Variants in RIMBP2 observed in about 807,000 individuals in gnomAD.
RIMBP2 encodes the protein RIMS-binding protein 2.
A neutral mutation model predicts 118.6 loss-of-function variants in RIMBP2; 48 were observed. The observed-to-expected ratio is 0.40, with a 90% CI of 0.32 to 0.51. The LOEUF (loss-of-function observed/expected upper bound fraction) is 0.51. RIMBP2 is among the 20% of genes least tolerant of loss of function. The pLI is 0.41. For synonymous variants in RIMBP2, 762 were observed against 742.9 expected, an observed-to-expected ratio of 1.03 and a Z score of -0.42; for missense variants, 1,551 against 1,768.3, an observed-to-expected ratio of 0.88 and a Z score of 2.20.
chr12:130,481,859 G>A (rs977889301), intron 4 of RIMBP2, among the ~76,000 whole-genome samples: 1 of 152,150 alleles, frequency 6.6e-6, no homozygotes, highest in Non-Finnish European at 1.5e-5. Flanking sequence ...CCGCTGGGCT[G>A]TCAGCCCATT....
rs1222438124 is a variant in RIMBP2 at position 130,686,080 on chromosome 12, C to G, written c.-352+30142G>C. 2.0e-5 allele frequency among the ~76,000 whole-genome samples: 3 copies of G among 152,292 alleles called. No individual in the cohort carries two copies. The East Asian group carries it at 5.8e-4, about 30-fold the overall frequency. On this transcript the variant is annotated intron_variant, in intron 1 of 22. Coordinates refer to ENST00000690449, the MANE Select transcript of RIMBP2 (RefSeq NM_001393629.1). Reference sequence around the variant, plus strand: ...CACACCGCACACCGCCCGGCACCTGCTCTTCCTAGCTGGTTTTCTCCTCCC... The same window carrying G: ...CACACCGCACACCGCCCGGCACCTGGTCTTCCTAGCTGGTTTTCTCCTCCC...
intron 1 of RIMBP2, among the ~76,000 whole-genome samples, chr12:130,676,132 G>A (rs763856044): frequency 2.6e-5 from 4 of 152,324 alleles, no homozygotes; most frequent in South Asian, 2.1e-4. Flanking sequence ...AGCCACCAGC[G>A]CTGTGAGCAA....
At chr12:130,534,184 A>T (rs2053771299) in intron 2 of RIMBP2, among the ~76,000 whole-genome samples, 1 of 29,614 alleles carries the variant, frequency 3.4e-5, no homozygotes. Context: ...AAAAAAAAAG[A>T]GAGAGAGAGT....
At chr12:130,499,546 T>C (rs571610361) in intron 4 of RIMBP2, among the ~76,000 whole-genome samples, 1 of 152,316 alleles carries the variant, frequency 6.6e-6, no homozygotes, top group East Asian at 1.9e-4. Flanking sequence ...CTCCCTCATC[T>C]GACCTCATCT....
At chr12:130,571,173 C>T (rs2057611214) in intron 2 of RIMBP2, among the ~76,000 whole-genome samples, 1 of 137,474 alleles carries the variant, frequency 7.3e-6, no homozygotes, top group Non-Finnish European at 1.5e-5. Context: ...GGGTCTGCAT[C>T]ATAAAGGGAG....
chr12:130,692,299 C>T (rs1182153164), intron 1 of RIMBP2, among the ~76,000 whole-genome samples: 1 of 152,178 alleles, frequency 6.6e-6, no homozygotes, highest in Non-Finnish European at 1.5e-5. Context: ...CTGCAGAAGC[C>T]TCTTCATGCC....
chr12:130,513,538 C>T (rs1018271256), intron 3 of RIMBP2, among the ~76,000 whole-genome samples: 2 of 152,138 alleles, frequency 1.3e-5, no homozygotes, highest in Non-Finnish European at 2.9e-5. Flanking sequence ...ACAGGCACCT[C>T]CTAACCCAAA....
At chr12:130,411,204 G>T (rs924059949) in intron 19 of RIMBP2, among the ~76,000 whole-genome samples, 1 of 152,156 alleles carries the variant, frequency 6.6e-6, no homozygotes, top group Non-Finnish European at 1.5e-5. Flanking sequence ...TGTATCCATT[G>T]ATGTTGCTAC....
At position 130,688,736 on chromosome 12, in the gene RIMBP2, G is replaced by A. The variant is rs2065179175; in HGVS notation, c.-352+27486C>T. 6.6e-6 allele frequency among the ~76,000 whole-genome samples: 1 copy of A among 152,184 alleles called. No homozygotes were observed. Among genetic ancestry groups the A allele is most frequent in the Non-Finnish European group, 1.5e-5 (1 of 68,040 alleles). On this transcript the variant is annotated intron_variant, in intron 1 of 22. Coordinates refer to ENST00000690449, the MANE Select transcript of RIMBP2 (RefSeq NM_001393629.1). This position sits in a 1 kb window ranked among gnomAD's most constrained non-coding sequence, Gnocchi z 4.7. ...AAAGACCCCAAAACAGAGGCCACAT[G>A]GCCCCCTTGGGGCTCATACAGAGAC...
At chr12:130,413,853 T>C (rs2075918435) in intron 18 of RIMBP2, among the ~76,000 whole-genome samples, 1 of 152,152 alleles carries the variant, frequency 6.6e-6, no homozygotes, top group South Asian at 2.1e-4. Flanking sequence ...GTGTTATTTT[T>C]CTCAACAACG....
At chr12:130,715,316 GCCAGTGA>G (rs1228277340) in intron 1 of RIMBP2, among the ~76,000 whole-genome samples, 1 of 152,148 alleles carries the variant, frequency 6.6e-6, no homozygotes, top group Non-Finnish European at 1.5e-5. Context: ...CTCCCCCGGG[GCCAGTGA>G]CCAGGCCGGG....
intron 2 of RIMBP2, among the ~76,000 whole-genome samples, chr12:130,565,593 T>C (rs1251339300): frequency 6.6e-6 from 1 of 152,248 alleles, no homozygotes; most frequent in African/African-American, 2.4e-5. Context: ...ATTTTATCAC[T>C]ATTTCTAGGA....
At chr12:130,679,848 C>A (rs1464329594) in intron 1 of RIMBP2, among the ~76,000 whole-genome samples, 1 of 151,340 alleles carries the variant, frequency 6.6e-6, no homozygotes, top group Non-Finnish European at 1.5e-5. Context: ...GGACCTGTGA[C>A]TGTGACCACG....
intron 2 of RIMBP2, among the ~76,000 whole-genome samples, chr12:130,624,493 T>C (rs2061507695): frequency 6.6e-6 from 1 of 152,140 alleles, no homozygotes; most frequent in African/African-American, 2.4e-5. Context: ...TAGATTTGTG[T>C]ATGCGTGGGG....
chr12:130,574,267 G>T (rs2057916701), intron 2 of RIMBP2, among the ~76,000 whole-genome samples: 1 of 141,318 alleles, frequency 7.1e-6, no homozygotes, highest in Non-Finnish European at 1.6e-5. Flanking sequence ...CTGTCCTGTT[G>T]GGGGGGTGGC....
At chr12:130,457,730 G>C (rs2079573290) in intron 6 of RIMBP2, among the ~76,000 whole-genome samples, 1 of 152,192 alleles carries the variant, frequency 6.6e-6, no homozygotes, top group Non-Finnish European at 1.5e-5. Flanking sequence ...CTGCTTTCTG[G>C]CTCAAGGACA....
intron 2 of RIMBP2, among the ~76,000 whole-genome samples, chr12:130,545,891 T>C (rs1159536988): frequency 6.6e-6 from 1 of 152,070 alleles, no homozygotes; most frequent in Non-Finnish European, 1.5e-5. Context: ...TATGGGATTG[T>C]GGAAAAACAA....
intron 19 of RIMBP2, among the ~76,000 whole-genome samples, chr12:130,408,500 A>G (rs1017173081): frequency 6.6e-6 from 1 of 152,144 alleles, no homozygotes; most frequent in Non-Finnish European, 1.5e-5. Context: ...TCTGCCACAG[A>G]TCGGGGCCTG....
chr12:130,504,323 G>A (rs2050097066), intron 4 of RIMBP2, among the ~76,000 whole-genome samples: 1 of 152,104 alleles, frequency 6.6e-6, no homozygotes, highest in Non-Finnish European at 1.5e-5. Flanking sequence ...TGGGAATCCT[G>A]CACCCCCTGA....
Sources: allele counts gnomAD v4.1 joint callset (sites outside exome capture counted in the v4.1 genomes callset), GRCh38; gene constraint gnomAD v4.1.1; non-coding constraint Gnocchi (gnomAD v3.1); transcripts MANE v1.5; gene names NCBI Gene and HGNC (gene_info 2026-07-23, HGNC 2026-07-21).